Variants in RANBP2 observed in about 807,000 individuals in gnomAD.
RANBP2 encodes the protein E3 SUMO-protein ligase RanBP2.
A neutral mutation model predicts 303.6 loss-of-function variants in RANBP2; 57 were observed. The observed-to-expected ratio is 0.19, with a 90% CI of 0.15 to 0.23. The LOEUF (loss-of-function observed/expected upper bound fraction) is 0.23, where lower values mean the gene tolerates loss of function less well. Ranked by LOEUF, RANBP2 falls within the 10% of genes least tolerant of loss-of-function variation. The probability of loss-of-function intolerance (pLI) is 1.00; values close to 1 mark genes in which losing one functional copy is unlikely to be tolerated. For missense variants in RANBP2, 3,138 were observed against 3,780.8 expected, an observed-to-expected ratio of 0.83 and a Z score of 4.46; for synonymous variants, 1,167 against 1,301.5, an observed-to-expected ratio of 0.90 and a Z score of 2.23.
the RANBP2 span, chr2:109,616,230 A>G: frequency 2.5e-5 from 29 of 1,137,474 alleles, no homozygotes; most frequent in African/African-American, 3.7e-4. Context: ...CTTCTGGGAA[A>G]AGTGGATGTC....
At chr2:109,091,391 A>G in the RANBP2 span, among the ~76,000 whole-genome samples, 1 of 152,136 alleles carries the variant, frequency 6.6e-6, no homozygotes, top group South Asian at 2.1e-4. Flanking sequence ...AGAAGCTTCT[A>G]GTTTTAATGG....
At chr2:109,585,408 C>T in the RANBP2 span, 1 of 1,158,246 alleles carries the variant, frequency 8.6e-7, no homozygotes, top group African/African-American at 1.6e-5. Flanking sequence ...TTTCAAAGAT[C>T]CCAAATATTT....
chr2:109,096,375 T>C, the RANBP2 span, among the ~76,000 whole-genome samples: 1 of 152,262 alleles, frequency 6.6e-6, no homozygotes, highest in Non-Finnish European at 1.5e-5. Flanking sequence ...CAGTAAGAAT[T>C]ATAATTGTTA....
the RANBP2 span, among the ~76,000 whole-genome samples, chr2:109,653,116 G>A: frequency 6.6e-6 from 1 of 152,100 alleles, no homozygotes; most frequent in African/African-American, 2.4e-5. Context: ...GGTGACTGTG[G>A]CTGGGCGTTG....
At chr2:108,907,857 C>A in the RANBP2 span, 1 of 1,613,468 alleles carries the variant, frequency 6.2e-7, no homozygotes, top group Non-Finnish European at 8.5e-7. Context: ...GCAGGAGCCT[C>A]ACCCCGGCTG....
At chr2:108,874,554 C>T in the RANBP2 span, among the ~76,000 whole-genome samples, 2 of 152,178 alleles carry the variant, frequency 1.3e-5, no homozygotes, top group Non-Finnish European at 2.9e-5. Flanking sequence ...CTGGCCTCAT[C>T]CCCTCATCCA....
chr2:109,606,351 G>A, the RANBP2 span, among the ~76,000 whole-genome samples: 80 of 152,256 alleles, frequency 5.3e-4, 1 homozygote, highest in African/African-American at 1.7e-3. Context: ...GGAGGCAGAG[G>A]TTGCAGTGAG....
the RANBP2 span, among the ~76,000 whole-genome samples, chr2:109,112,127 T>C: frequency 6.6e-6 from 1 of 151,562 alleles, no homozygotes; most frequent in Non-Finnish European, 1.5e-5. Flanking sequence ...GCATGATTTA[T>C]AGTCCTTTGG....
At chr2:108,772,702 C>T (rs960451449) in intron 22 of RANBP2, 121 bp downstream of exon 22, 3 of 1,250,268 alleles carry the variant, frequency 2.4e-6, no homozygotes, top group Non-Finnish European at 3.4e-6. Context: ...ATTTAAAAAA[C>T]TTAAAACTAA....
the RANBP2 span, among the ~76,000 whole-genome samples, chr2:109,527,173 G>A: frequency 6.6e-6 from 1 of 152,288 alleles, no homozygotes; most frequent in East Asian, 1.9e-4. Flanking sequence ...CCCACACGAA[G>A]CAGATGTGTG....
the RANBP2 span, among the ~76,000 whole-genome samples, chr2:109,255,648 A>G: frequency 9.2e-5 from 14 of 152,214 alleles, no homozygotes; most frequent in Admixed American, 3.9e-4. Flanking sequence ...GTTGGGAACA[A>G]CCTTCTCAGT....
chr2:109,464,368 T>G, the RANBP2 span, among the ~76,000 whole-genome samples: 2 of 152,266 alleles, frequency 1.3e-5, no homozygotes, highest in Non-Finnish European at 1.5e-5. Flanking sequence ...ATAAGCATAT[T>G]TATGTATATA....
chr2:109,175,705 T>C, the RANBP2 span, among the ~76,000 whole-genome samples: 1 of 152,228 alleles, frequency 6.6e-6, no homozygotes, highest in African/African-American at 2.4e-5. Context: ...AAGGGACTTT[T>C]CTAGGTAGAG....
At chr2:109,352,223 C>T in the RANBP2 span, among the ~76,000 whole-genome samples, 44 of 152,312 alleles carry the variant, frequency 2.9e-4, no homozygotes, top group East Asian at 8.1e-3. Context: ...TTCTTCCTGT[C>T]TCAGGAAAAG....
the RANBP2 span, among the ~76,000 whole-genome samples, chr2:109,120,667 C>CAAAA: frequency 1.7e-5 from 1 of 59,890 alleles, no homozygotes; most frequent in Non-Finnish European, 3.2e-5. Flanking sequence ...AACTCCGTCT[C>CAAAA]AAAAAAAAAA....
chr2:109,694,801 A>ATGTGTGTGTGTGTGTGTG, the RANBP2 span, among the ~76,000 whole-genome samples: 1 of 146,222 alleles, frequency 6.8e-6, no homozygotes, highest in African/African-American at 2.6e-5. Flanking sequence ...ATCCATAGGG[A>ATGTGTGTGTGTGTGTGTG]TGTGTGTGTG....
the RANBP2 span, among the ~76,000 whole-genome samples, chr2:109,250,201 A>G: frequency 4.3e-4 from 65 of 151,104 alleles, no homozygotes; most frequent in Admixed American, 3.8e-3. Flanking sequence ...AGGTTTTGAT[A>G]TAATTCAGGA....
the RANBP2 span, chr2:109,585,321 C>A: frequency 2.5e-6 from 4 of 1,595,592 alleles, no homozygotes; most frequent in South Asian, 2.3e-5. Flanking sequence ...TCCAGTTTCC[C>A]CTGAAACACA....
intron 20 of RANBP2, among the ~76,000 whole-genome samples, chr2:108,770,710 CTT>C (rs1022841529): frequency 2.0e-5 from 3 of 152,136 alleles, no homozygotes; most frequent in African/African-American, 7.2e-5. Flanking sequence ...ATGAAAGTAA[CTT>C]TATTGATAGA....
Sources: gnomAD v4.1 joint callset for allele counts (sites outside exome capture counted in the v4.1 genomes callset) on GRCh38, gnomAD v4.1.1 for gene constraint, MANE v1.5 for transcripts, NCBI Gene and HGNC (gene_info 2026-07-23, HGNC 2026-07-21) for gene names.